The following GABRB1 variants were observed in gnomAD, a reference collection of about 807,000 sequenced individuals.
GABRB1 encodes gamma-aminobutyric acid receptor subunit beta-1.
GABRB1 carries 17 observed loss-of-function variants against 51.6 expected under a neutral mutation model. The ratio of observed to expected loss-of-function variants is 0.33; its 90% CI spans 0.23 to 0.49. The LOEUF (loss-of-function observed/expected upper bound fraction) is 0.49, where lower values mean the gene tolerates loss of function less well. Among genes scored for constraint, GABRB1 ranks in the 20% least tolerant of loss-of-function variants. The pLI, the probability that GABRB1 is intolerant of heterozygous loss-of-function variation, is 0.99. For synonymous variants in GABRB1, 247 were observed against 218.9 expected, an observed-to-expected ratio of 1.13 and a Z score of -1.14; for missense variants, 410 against 600.6, an observed-to-expected ratio of 0.68 and a Z score of 3.32.
At chr4:47,265,178 C>T (rs1004099889) in intron 4 of GABRB1, among the ~76,000 whole-genome samples, 1 of 152,034 alleles carries the variant, frequency 6.6e-6, no homozygotes, top group African/African-American at 2.4e-5. Flanking sequence ...ATTTAGCTCC[C>T]ACTTATAGGT....
intron 4 of GABRB1, among the ~76,000 whole-genome samples, chr4:47,179,419 A>G (rs1027418280): frequency 3.3e-5 from 5 of 152,114 alleles, no homozygotes; most frequent in Non-Finnish European, 7.4e-5. Flanking sequence ...TGAACCAGCA[A>G]TCCCATTACT....
intron 3 of GABRB1, among the ~76,000 whole-genome samples, chr4:47,055,483 G>T (rs146236542): frequency 6.6e-6 from 1 of 152,110 alleles, no homozygotes; most frequent in Non-Finnish European, 1.5e-5. Context: ...CCATTTACAC[G>T]AGCATGCACT....
intron 1 of GABRB1, among the ~76,000 whole-genome samples, chr4:47,016,894 C>T (rs1324664757): frequency 3.3e-5 from 5 of 152,068 alleles, no homozygotes; most frequent in African/African-American, 4.8e-5. Context: ...CTGGCCTGTG[C>T]AGACAATTTA....
At chr4:47,261,587 G>T (rs977787426) in intron 4 of GABRB1, among the ~76,000 whole-genome samples, 1 of 152,074 alleles carries the variant, frequency 6.6e-6, no homozygotes, top group African/African-American at 2.4e-5. Context: ...TGGGTAGGAA[G>T]AATCAATATC....
chr4:47,282,974 T>A (rs185387985), intron 4 of GABRB1, among the ~76,000 whole-genome samples: 1 of 152,276 alleles, frequency 6.6e-6, no homozygotes, highest in Admixed American at 6.5e-5. Flanking sequence ...GGGAGGACCA[T>A]ATCACTCTTT....
intron 4 of GABRB1, among the ~76,000 whole-genome samples, chr4:47,279,581 A>G (rs534940883): frequency 6.6e-6 from 1 of 152,252 alleles, no homozygotes; most frequent in Admixed American, 6.6e-5. Context: ...TTATATATTT[A>G]GGTGCTGTAA....
chr4:47,213,775 A>G (rs756343619), intron 4 of GABRB1, among the ~76,000 whole-genome samples: 68 of 151,224 alleles, frequency 4.5e-4, no homozygotes, highest in Non-Finnish European at 8.0e-4. Context: ...TTGGGGGGCC[A>G]GTAATAACAG....
intron 1 of GABRB1, among the ~76,000 whole-genome samples, chr4:47,024,292 G>A (rs554956584): frequency 1.3e-5 from 2 of 151,914 alleles, no homozygotes; most frequent in Admixed American, 6.6e-5. Flanking sequence ...TTTCTTAAAG[G>A]CTTGCTGACT....
At chr4:47,248,058 A>G (rs1721833454) in intron 4 of GABRB1, among the ~76,000 whole-genome samples, 1 of 151,914 alleles carries the variant, frequency 6.6e-6, no homozygotes, top group Non-Finnish European at 1.5e-5. Context: ...GTTAAAGAGG[A>G]GTGGTGAGAG....
intron 5 of GABRB1, among the ~76,000 whole-genome samples, chr4:47,400,809 T>C (rs1374750189): frequency 6.6e-6 from 1 of 152,026 alleles, no homozygotes; most frequent in African/African-American, 2.4e-5. Context: ...CACTTATAAA[T>C]AAGAACATGC....
At chr4:47,342,211 A>G (rs1185823680) in intron 5 of GABRB1, among the ~76,000 whole-genome samples, 1 of 152,114 alleles carries the variant, frequency 6.6e-6, no homozygotes, top group African/African-American at 2.4e-5. Flanking sequence ...GAAAGTTTTA[A>G]ACACATCTTT....
chr4:47,204,485 C>T (rs1560584208), intron 4 of GABRB1, among the ~76,000 whole-genome samples: 1 of 151,718 alleles, frequency 6.6e-6, no homozygotes, highest in Non-Finnish European at 1.5e-5. Context: ...CACTCTGCTC[C>T]CCCTAACCCT....
At chr4:47,280,801 C>A (rs1321678318) in intron 4 of GABRB1, among the ~76,000 whole-genome samples, 2 of 150,586 alleles carry the variant, frequency 1.3e-5, no homozygotes, top group Non-Finnish European at 3.0e-5. Flanking sequence ...GTGTGTGCCA[C>A]CATGTCTGGC....
At chr4:47,344,005 G>A (rs77458183) in intron 5 of GABRB1, among the ~76,000 whole-genome samples, 3,312 of 152,262 alleles carry the variant, frequency 0.022, 150 homozygotes, top group African/African-American at 0.076. Context: ...CTTAGGGGCT[G>A]TTGCTTTAGA....
At chr4:47,181,449 A>G (rs1419630982) in intron 4 of GABRB1, among the ~76,000 whole-genome samples, 1 of 152,030 alleles carries the variant, frequency 6.6e-6, no homozygotes, top group East Asian at 1.9e-4. Flanking sequence ...TTATATGTAA[A>G]CCAAAGTCCT....
At chr4:47,237,565 G>T (rs924183971) in intron 4 of GABRB1, among the ~76,000 whole-genome samples, 1 of 151,994 alleles carries the variant, frequency 6.6e-6, no homozygotes, top group Non-Finnish European at 1.5e-5. Flanking sequence ...TTAAGCTGCT[G>T]TACTTTAAAT....
At chr4:47,282,213 TC>T (rs1723317100) in intron 4 of GABRB1, among the ~76,000 whole-genome samples, 1 of 152,170 alleles carries the variant, frequency 6.6e-6, no homozygotes, top group Non-Finnish European at 1.5e-5. Flanking sequence ...ACTTCACTAT[TC>T]CAGTTCTCTA....
chr4:47,155,728 A>G (rs951401781), intron 3 of GABRB1, among the ~76,000 whole-genome samples: 3 of 151,796 alleles, frequency 2.0e-5, no homozygotes, highest in Admixed American at 6.6e-5. Flanking sequence ...TAATTAATGG[A>G]TTTTAATAAA....
intron 4 of GABRB1, among the ~76,000 whole-genome samples, chr4:47,189,108 A>G (rs1719320823): frequency 6.6e-6 from 1 of 151,978 alleles, no homozygotes; most frequent in Non-Finnish European, 1.5e-5. Context: ...GAAGATTAAG[A>G]AATAGAGATT....
Sources: allele counts gnomAD v4.1 joint callset (sites outside exome capture counted in the v4.1 genomes callset), GRCh38; gene constraint gnomAD v4.1.1; transcripts MANE v1.5; gene names NCBI Gene and HGNC (gene_info 2026-07-23, HGNC 2026-07-21).